The following TRAPPC8 variants were observed in gnomAD, a reference collection of about 807,000 sequenced individuals.
TRAPPC8 encodes trafficking protein particle complex subunit 8, also known as general sporulation gene 1 homolog.
In TRAPPC8, 54 loss-of-function variants were observed where a neutral mutation model predicts 174.3. The observed-to-expected ratio is 0.31, with a 90% CI of 0.25 to 0.39. The LOEUF (loss-of-function observed/expected upper bound fraction) is 0.39, where lower values mean the gene tolerates loss of function less well. Ranked by LOEUF, TRAPPC8 falls within the 10% of genes least tolerant of loss-of-function variation. The pLI is 1.00. For missense variants in TRAPPC8, 1,531 were observed against 1,699.1 expected (o/e 0.90, Z 1.74); for synonymous variants, 630 against 579.9 (o/e 1.09, Z -1.24).
At chr18:31,932,314 C>T (rs1461096277) in intron 1 of TRAPPC8, among the ~76,000 whole-genome samples, 2 of 151,822 alleles carry the variant, frequency 1.3e-5, no homozygotes, top group African/African-American at 2.4e-5. Flanking sequence ...GTAATCCCAG[C>T]TACTCAGGAG....
intron 18 of TRAPPC8, 23 bp from the exon 19 acceptor site, chr18:31,864,804 C>A (rs531204980): frequency 6.3e-7 from 1 of 1,585,164 alleles, no homozygotes; most frequent in Non-Finnish European, 8.6e-7. Context: ...ACAATCAATG[C>A]CCTAAAATAA....
At chr18:31,871,349 G>A (rs16962533) in intron 14 of TRAPPC8, among the ~76,000 whole-genome samples, 4,409 of 151,336 alleles carry the variant, frequency 0.029, 228 homozygotes, top group African/African-American at 0.1. Context: ...ATTTTCCCTC[G>A]TGTCCACAAG....
At chr18:31,874,197 A>T in intron 13 of TRAPPC8, 1 of 464,184 alleles carries the variant, frequency 2.2e-6, no homozygotes, top group Non-Finnish European at 3.8e-6. Flanking sequence ...AAGCATGATG[A>T]ATAAAGAATC....
At chr18:31,903,103 TGCGC>T (rs1555674879) in intron 9 of TRAPPC8, among the ~76,000 whole-genome samples, 4 of 70,760 alleles carry the variant, frequency 5.7e-5, no homozygotes, top group Non-Finnish European at 1.1e-4. Context: ...GCTTTTTGAT[TGCGC>T]GCGTGCGTGC....
chr18:31,905,290 T>C (rs1461518315), intron 9 of TRAPPC8, among the ~76,000 whole-genome samples: 7 of 152,298 alleles, frequency 4.6e-5, no homozygotes, highest in African/African-American at 1.7e-4. Flanking sequence ...AGCAGTATTA[T>C]AAACTTATAT....
intron 1 of TRAPPC8, among the ~76,000 whole-genome samples, chr18:31,940,947 CCAGACGCAAAACTGTGAA>C (rs2038310820): frequency 9.3e-6 from 1 of 107,554 alleles, no homozygotes; most frequent in Non-Finnish European, 2.2e-5. Flanking sequence ...CAAATCTTTC[CCAGACGCAAAACTGTGAA>C]CAAATTAACA....
At chr18:31,884,002 A>G (rs575016900) in intron 12 of TRAPPC8, among the ~76,000 whole-genome samples, 11 of 152,314 alleles carry the variant, frequency 7.2e-5, no homozygotes, top group African/African-American at 2.4e-4. Flanking sequence ...CAGCCTGTCC[A>G]ACATGGTGAA....
intron 2 of TRAPPC8, among the ~76,000 whole-genome samples, chr18:31,928,744 C>CTT (rs1427641461): frequency 2.0e-5 from 3 of 152,138 alleles, no homozygotes; most frequent in South Asian, 4.1e-4. Flanking sequence ...AGATTATAAA[C>CTT]TTTAAAGCAT....
intron 26 of TRAPPC8, among the ~76,000 whole-genome samples, chr18:31,846,417 A>C (rs1030439711): frequency 1.3e-5 from 2 of 152,010 alleles, no homozygotes; most frequent in Non-Finnish European, 1.5e-5. Context: ...CTACAAAAAA[A>C]CACAAAAATT....
At chr18:31,894,790 A>G (rs556210456) in intron 11 of TRAPPC8, among the ~76,000 whole-genome samples, 4 of 152,318 alleles carry the variant, frequency 2.6e-5, no homozygotes, top group African/African-American at 9.6e-5. Context: ...AATTTCCCAT[A>G]AGACCAGTTA....
chr18:31,885,686 CTG>C (rs1285471069), intron 12 of TRAPPC8, among the ~76,000 whole-genome samples: 1 of 151,790 alleles, frequency 6.6e-6, no homozygotes, highest in Non-Finnish European at 1.5e-5. Flanking sequence ...TGGAGAAACC[CTG>C]TCTCTACTAA....
intron 6 of TRAPPC8, 44 bp from the exon 7 acceptor site, chr18:31,909,054 GA>G (rs1568123999): frequency 3.3e-6 from 5 of 1,516,374 alleles, no homozygotes; most frequent in Non-Finnish European, 4.4e-6. Context: ...GAATGCAACA[GA>G]AAACAGTGCT....
At chr18:31,907,387 T>C in intron 9 of TRAPPC8, 73 bp downstream of exon 9, 1 of 1,423,878 alleles carries the variant, frequency 7.0e-7, no homozygotes, top group Non-Finnish European at 9.5e-7. Context: ...AGGATTCTGT[T>C]TGCCACCAAG....
chr18:31,869,881 C>G (rs2034761523), intron 16 of TRAPPC8: 1 of 152,000 alleles, frequency 6.6e-6, no homozygotes, highest in Admixed American at 6.6e-5. Flanking sequence ...GAGGTCAGGT[C>G]AGGAGTTCGA....
In TRAPPC8 at chr18:31,837,560, T is replaced by C. The variant is rs191718027; in HGVS notation, c.3983+1752A>G. Among the ~76,000 whole-genome samples the C allele has an allele frequency of 2.0e-4, 30 of 152,082 alleles. 1 individual carries two copies. The highest frequency in any genetic ancestry group is 1.6e-3 in the Admixed American group (25 of 15,276). On this transcript the variant is annotated intron_variant, in intron 27 of 28. Coordinates refer to ENST00000283351, the MANE Select transcript of TRAPPC8 (RefSeq NM_014939.5). ...ATACCAAATTTGGCTGACCTGGTGGTGTACAGTGCATGCCTGTAATCCCAG... is the reference window on the plus strand; with the variant it reads ...ATACCAAATTTGGCTGACCTGGTGGCGTACAGTGCATGCCTGTAATCCCAG...
chr18:31,836,230 T>C (rs1274767060), intron 27 of TRAPPC8, among the ~76,000 whole-genome samples: 1 of 152,242 alleles, frequency 6.6e-6, no homozygotes, highest in East Asian at 1.9e-4. Context: ...AATTCCCAAA[T>C]GATTCTAACA....
intron 1 of TRAPPC8, among the ~76,000 whole-genome samples, chr18:31,936,397 G>A (rs563566570): frequency 1.1e-4 from 16 of 152,170 alleles, no homozygotes; most frequent in Non-Finnish European, 1.6e-4. Flanking sequence ...CCAGGAGGTC[G>A]AGGCTGCAGT....
intron 9 of TRAPPC8, among the ~76,000 whole-genome samples, chr18:31,904,759 G>A (rs2036587403): frequency 6.6e-6 from 1 of 152,128 alleles, no homozygotes; most frequent in African/African-American, 2.4e-5. Flanking sequence ...GCCAGGCCCA[G>A]TGGATCACGC....
intron 5 of TRAPPC8, 146 bp from the exon 6 acceptor site, chr18:31,909,906 A>G (rs1445356350): frequency 1.5e-5 from 8 of 531,932 alleles, no homozygotes; most frequent in African/African-American, 9.9e-5. Context: ...CTCCAAATTC[A>G]TAACTTCTTC....
Sources: allele counts gnomAD v4.1 joint callset (sites outside exome capture counted in the v4.1 genomes callset), GRCh38; gene constraint gnomAD v4.1.1; transcripts MANE v1.5; gene names NCBI Gene and HGNC (gene_info 2026-07-23, HGNC 2026-07-21).